The following FANCD2OS variants were observed in gnomAD, a reference collection of about 807,000 sequenced individuals.
FANCD2OS encodes the protein FANCD2 opposite strand protein.
A neutral mutation model predicts 13.2 loss-of-function variants in FANCD2OS; 11 were observed. The observed-to-expected ratio is 0.83, with a 90% CI of 0.52 to 1.38. FANCD2OS has a LOEUF of 1.38. Ranked by LOEUF, FANCD2OS falls within the 40% of genes most tolerant of loss-of-function variation. The probability of loss-of-function intolerance (pLI) is 0.00; values close to 1 mark genes in which losing one functional copy is unlikely to be tolerated. For missense variants in FANCD2OS, 217 were observed against 213.9 expected (o/e 1.01, Z -0.09); for synonymous variants, 69 against 84.5 (o/e 0.82, Z 1.01).
chr3:10,099,411 C>A, downstream of FANCD2OS: 1 of 943,300 alleles, frequency 1.1e-6, no homozygotes, highest in Non-Finnish European at 1.3e-6. Context: ...TTGCTTGAGT[C>A]CGGGAGCTCA....
intron 2 of FANCD2OS, among the ~76,000 whole-genome samples, chr3:10,082,994 A>C (rs1693939266): frequency 6.6e-6 from 1 of 152,224 alleles, no homozygotes; most frequent in African/African-American, 2.4e-5. Context: ...TGGGAGGCCA[A>C]GGTGGGTGGA....
At chr3:10,086,823 C>T (rs1694235291) in intron 2 of FANCD2OS, among the ~76,000 whole-genome samples, 1 of 152,142 alleles carries the variant, frequency 6.6e-6, no homozygotes, top group Non-Finnish European at 1.5e-5. Context: ...TTGCCTAAGG[C>T]TTTAAAGAGC....
At chr3:10,082,452 A>G (rs1693902280) in intron 2 of FANCD2OS, among the ~76,000 whole-genome samples, 1 of 152,054 alleles carries the variant, frequency 6.6e-6, no homozygotes, top group South Asian at 2.1e-4. Flanking sequence ...TCCTATCCCA[A>G]TTTTGATTTC....
intron 1 of FANCD2OS, among the ~76,000 whole-genome samples, chr3:10,105,673 C>T (rs1010909783): frequency 6.8e-6 from 1 of 147,198 alleles, no homozygotes; most frequent in Non-Finnish European, 1.5e-5. Context: ...ATTGCTTTAA[C>T]CCAGGAGGCG....
At chr3:10,086,436 T>A (rs1428665516) in intron 2 of FANCD2OS, among the ~76,000 whole-genome samples, 1 of 152,108 alleles carries the variant, frequency 6.6e-6, no homozygotes, top group Non-Finnish European at 1.5e-5. Context: ...ACCTAGACCA[T>A]CACTGGGTCA....
intron 2 of FANCD2OS, chr3:10,083,658 G>A (rs7639624): frequency 0.23 from 34,338 of 152,082 alleles, 5,004 homozygotes; most frequent in African/African-American, 0.42. Flanking sequence ...GGAGGCCGAG[G>A]CGGGCAGATC....
intron 1 of FANCD2OS, among the ~76,000 whole-genome samples, chr3:10,105,773 TATATATATA>T (rs1559415190): frequency 1.4e-3 from 2 of 1,410 alleles, no homozygotes; most frequent in South Asian, 0.014. Flanking sequence ...AAAAAAAAAT[TATATATATA>T]TATATATATA....
At chr3:10,082,280 T>G (rs1051011025) in intron 2 of FANCD2OS, among the ~76,000 whole-genome samples, 14 of 152,214 alleles carry the variant, frequency 9.2e-5, no homozygotes, top group Non-Finnish European at 2.1e-4. Context: ...TTTTATTTTC[T>G]GTTATAAATA....
downstream of FANCD2OS, chr3:10,099,095 A>G: frequency 7.9e-6 from 12 of 1,525,266 alleles, no homozygotes. Flanking sequence ...ATGAATTCAT[A>G]TCTGAAACCA....
intron 2 of FANCD2OS, among the ~76,000 whole-genome samples, chr3:10,090,558 A>G (rs1694537464): frequency 6.8e-6 from 1 of 146,774 alleles, no homozygotes; most frequent in Admixed American, 7.1e-5. Flanking sequence ...TCCTGGGTTC[A>G]AGCAATTCTC....
In FANCD2OS at chr3:10,089,116, C is replaced by G. The variant is rs419999; in HGVS notation, c.*44-7585G>C. Among the ~76,000 whole-genome samples, 693 of 152,164 alleles carry G rather than the reference C, an allele frequency of 4.6e-3. 3 individuals are homozygous for G. The highest frequency in any genetic ancestry group is 8.5e-3 in the Admixed American group (130 of 15,260). On this transcript the variant is annotated intron_variant, in intron 2 of 2. Transcript: ENST00000524279. ...CTTGGCCAACATAGTGAAACCCTGT[C>G]CCTACTAAAAATACAAAAATTAGCC...
chr3:10,083,895 A>G (rs1023667569), intron 2 of FANCD2OS, among the ~76,000 whole-genome samples: 1 of 150,952 alleles, frequency 6.6e-6, no homozygotes, highest in Non-Finnish European at 1.5e-5. Flanking sequence ...CTCAAAAAAA[A>G]AAAAAAAAAA....
intron 2 of FANCD2OS, among the ~76,000 whole-genome samples, chr3:10,090,579 C>T (rs1248799963): frequency 4.7e-5 from 7 of 150,482 alleles, no homozygotes; most frequent in Non-Finnish European, 1.5e-5. Flanking sequence ...CTGCCTCAGA[C>T]TCCTGAATAG....
intron 2 of FANCD2OS, among the ~76,000 whole-genome samples, chr3:10,091,912 G>A (rs1161395480): frequency 6.6e-6 from 1 of 152,174 alleles, no homozygotes; most frequent in Admixed American, 6.5e-5. Flanking sequence ...GGCCAACATG[G>A]TCAGTATATG....
At chr3:10,105,772 T>A (rs9839613) in intron 1 of FANCD2OS, among the ~76,000 whole-genome samples, 339 of 22,574 alleles carry the variant, frequency 0.015, 25 homozygotes, top group African/African-American at 0.045. Flanking sequence ...AAAAAAAAAA[T>A]TATATATATA....
intron 2 of FANCD2OS, among the ~76,000 whole-genome samples, chr3:10,097,758 GT>G (rs1256999667): frequency 6.6e-6 from 1 of 152,192 alleles, no homozygotes; most frequent in Non-Finnish European, 1.5e-5. Context: ...AATCACAAGG[GT>G]ATTGACTGGG....
At chr3:10,102,677 C>T (rs1359257823), downstream of FANCD2OS, among the ~76,000 whole-genome samples, 1 of 150,996 alleles carries the variant, frequency 6.6e-6, no homozygotes, top group African/African-American at 2.4e-5. Flanking sequence ...CCCGTCTCTA[C>T]TAAAAAATAC....
rs958061743 is a variant in FANCD2OS at position 10,089,054 on chromosome 3, A to G, written c.*44-7523T>C. ...TCCCAGCACTTTGGGAGGCTGAGGC[A>G]GGAGGATCACCTTGAGGTCAGGAGT... On this transcript the variant is annotated intron_variant, in intron 2 of 2. Transcript: ENST00000524279. 2.6e-5 allele frequency: 34 copies of G among 1,296,906 alleles called. 1 individual carries two copies. The African/African-American group carries it at 4.7e-4, about 18-fold the overall frequency. 80.3% of individuals were successfully genotyped at this position (1,296,906 alleles called of 1,614,324 possible).
At chr3:10,081,536 A>G in intron 2 of FANCD2OS, 1 of 1,046,998 alleles carries the variant, frequency 9.6e-7, no homozygotes, top group Non-Finnish European at 1.5e-6. Flanking sequence ...AAGGCACTGA[A>G]ATGTAGAAAA....
Sources: allele counts gnomAD v4.1 joint callset (sites outside exome capture counted in the v4.1 genomes callset), GRCh38; gene constraint gnomAD v4.1.1; transcripts MANE v1.5; gene names NCBI Gene and HGNC (gene_info 2026-07-23, HGNC 2026-07-21).